Variants in SLC44A5 observed in about 807,000 individuals in gnomAD.
The protein encoded by SLC44A5 is solute carrier family 44 member 5, also known as choline transporter-like protein 5.
In SLC44A5, 57 loss-of-function variants were observed where a neutral mutation model predicts 101.8. That is an observed-to-expected ratio of 0.56 (90% CI 0.45 to 0.70). The LOEUF is 0.70. SLC44A5 is among the 30% of genes least tolerant of loss of function. The probability of loss-of-function intolerance (pLI) is 0.00; values close to 1 mark genes in which losing one functional copy is unlikely to be tolerated. For synonymous variants in SLC44A5, 281 were observed against 290.9 expected (o/e 0.97, Z 0.35); for missense variants, 737 against 853.1 (o/e 0.86, Z 1.70).
chr1:75,716,458 G>C, the SLC44A5 span, among the ~76,000 whole-genome samples: 1 of 150,710 alleles, frequency 6.6e-6, no homozygotes, highest in African/African-American at 2.5e-5. Context: ...GTGACAGAGT[G>C]ACACTCTGTC....
chr1:75,479,744 T>C (rs1667704561), intron 2 of SLC44A5, among the ~76,000 whole-genome samples: 1 of 152,190 alleles, frequency 6.6e-6, no homozygotes, highest in African/African-American at 2.4e-5. Context: ...GGCTCTGAAA[T>C]TGTGGCAATA....
chr1:75,394,536 T>C lies in SLC44A5; in HGVS notation c.52+2047A>G, dbSNP rs1256592121. ...AAAGTCTTTGAAGAGGCAATGCTGA[T>C]AGAGGTACTATGAGCCTTGGAAAGG... On this transcript the variant is annotated intron_variant, in intron 3 of 23. Coordinates refer to ENST00000370859, the MANE Select transcript of SLC44A5 (RefSeq NM_001130058.2). Among the ~76,000 whole-genome samples the C allele has an allele frequency of 3.3e-5, 5 of 152,122 alleles. 1 individual carries two copies. Among genetic ancestry groups the C allele is most frequent in the African/African-American group, 1.2e-4 (5 of 41,430 alleles).
chr1:75,566,266 G>A (rs1672781321), intron 1 of SLC44A5, among the ~76,000 whole-genome samples: 1 of 152,148 alleles, frequency 6.6e-6, no homozygotes, highest in East Asian at 1.9e-4. Context: ...CCTCAAGCCA[G>A]TTTATAACAA....
At chr1:75,322,586 G>C (rs1236086448) in intron 4 of SLC44A5, among the ~76,000 whole-genome samples, 1 of 152,084 alleles carries the variant, frequency 6.6e-6, no homozygotes, top group Non-Finnish European at 1.5e-5. Context: ...GAGGACATTA[G>C]ACATTTGACA....
intron 1 of SLC44A5, among the ~76,000 whole-genome samples, chr1:75,557,168 G>A (rs1477765332): frequency 6.6e-6 from 1 of 152,086 alleles, no homozygotes; most frequent in Non-Finnish European, 1.5e-5. Context: ...ATTTGGTCTA[G>A]CCTTATTCCC....
chr1:75,356,582 A>G (rs944044686), intron 3 of SLC44A5, among the ~76,000 whole-genome samples: 1 of 152,224 alleles, frequency 6.6e-6, no homozygotes, highest in South Asian at 2.1e-4. Flanking sequence ...AGGTTAATTT[A>G]TTATATATTA....
At chr1:75,274,908 G>C (rs746199767) in intron 6 of SLC44A5, 50 bp downstream of exon 6, 3 of 1,402,874 alleles carry the variant, frequency 2.1e-6, no homozygotes, top group Admixed American at 3.6e-5. Context: ...TGATATCTAG[G>C]TTCCAGTTTA....
At chr1:75,716,009 C>A in the SLC44A5 span, among the ~76,000 whole-genome samples, 1 of 152,170 alleles carries the variant, frequency 6.6e-6, no homozygotes, top group South Asian at 2.1e-4. Context: ...AAGACATGAA[C>A]AGATACTTTT....
intron 2 of SLC44A5, among the ~76,000 whole-genome samples, chr1:75,489,677 C>T (rs1483495273): frequency 6.6e-6 from 1 of 152,092 alleles, no homozygotes; most frequent in Non-Finnish European, 1.5e-5. Flanking sequence ...AAATGGAGTA[C>T]ATTGGCAAGT....
chr1:75,575,838 C>G (rs891009092), intron 1 of SLC44A5, among the ~76,000 whole-genome samples: 1 of 152,248 alleles, frequency 6.6e-6, no homozygotes, highest in Non-Finnish European at 1.5e-5. Flanking sequence ...ATGTAGGATA[C>G]ACGAAGCCTG....
chr1:75,551,838 C>T (rs2101982449), intron 1 of SLC44A5, among the ~76,000 whole-genome samples: 1 of 152,186 alleles, frequency 6.6e-6, no homozygotes, highest in African/African-American at 2.4e-5. Context: ...TCTCGGTCAA[C>T]ATGAGTTTAT....
At chr1:75,636,712 G>A in the SLC44A5 span, among the ~76,000 whole-genome samples, 1 of 152,068 alleles carries the variant, frequency 6.6e-6, no homozygotes, top group African/African-American at 2.4e-5. Flanking sequence ...ACAGTATAAT[G>A]CAAGTAAATG....
chr1:75,431,141 A>G (rs190815382), intron 2 of SLC44A5, among the ~76,000 whole-genome samples: 1 of 152,328 alleles, frequency 6.6e-6, no homozygotes, highest in Admixed American at 6.5e-5. Context: ...AAATCTCTCC[A>G]GTCAAAAGAG....
chr1:75,674,134 C>T, the SLC44A5 span, among the ~76,000 whole-genome samples: 1 of 152,000 alleles, frequency 6.6e-6, no homozygotes, highest in Non-Finnish European at 1.5e-5. Context: ...TTCAAAAGAG[C>T]TGTTTTGAGG....
intron 6 of SLC44A5, among the ~76,000 whole-genome samples, chr1:75,264,245 A>G (rs573468264): frequency 1.3e-5 from 2 of 151,874 alleles, no homozygotes; most frequent in East Asian, 3.9e-4. Flanking sequence ...CTGGAGCCCC[A>G]TTGACATCCC....
the SLC44A5 span, among the ~76,000 whole-genome samples, chr1:75,621,993 T>C: frequency 6.6e-6 from 1 of 152,128 alleles, no homozygotes; most frequent in Non-Finnish European, 1.5e-5. Flanking sequence ...ACTTCTTCCC[T>C]TTCTTGTGAC....
chr1:75,614,703 T>C (rs763486032), upstream of SLC44A5, among the ~76,000 whole-genome samples: 7 of 152,202 alleles, frequency 4.6e-5, no homozygotes, highest in Non-Finnish European at 1.0e-4. Flanking sequence ...CTTTTTTATA[T>C]AACCCCAAAG....
intron 2 of SLC44A5, among the ~76,000 whole-genome samples, chr1:75,476,876 G>A (rs1421971475): frequency 6.6e-6 from 1 of 152,250 alleles, no homozygotes; most frequent in Admixed American, 6.5e-5. Flanking sequence ...AAATGTTCCT[G>A]TCTGACAGCT....
intron 4 of SLC44A5, among the ~76,000 whole-genome samples, chr1:75,318,429 A>C (rs1479266153): frequency 7.2e-6 from 1 of 138,430 alleles, no homozygotes; most frequent in East Asian, 2.1e-4. Context: ...GAAAGAAAGA[A>C]AGAAATCTGC....
Sources: gnomAD v4.1 joint callset for allele counts (sites outside exome capture counted in the v4.1 genomes callset) on GRCh38, gnomAD v4.1.1 for gene constraint, MANE v1.5 for transcripts, NCBI Gene and HGNC (gene_info 2026-07-23, HGNC 2026-07-21) for gene names.